The following GLIS3 variants were observed in gnomAD, a reference collection of about 807,000 sequenced individuals.
GLIS3 encodes zinc finger protein GLIS3.
GLIS3 carries 53 observed loss-of-function variants against 78.6 expected under a neutral mutation model. That is an observed-to-expected ratio of 0.67 (90% confidence interval 0.54 to 0.85). The LOEUF (loss-of-function observed/expected upper bound fraction) is 0.85. GLIS3 is among the 40% of genes least tolerant of loss of function. The probability of loss-of-function intolerance (pLI) is 0.00; values close to 1 mark genes in which losing one functional copy is unlikely to be tolerated. For missense variants in GLIS3, 1,703 were observed against 1,231.1 expected, an observed-to-expected ratio of 1.38 and a Z score of -5.74; for synonymous variants, 684 against 509.9, an observed-to-expected ratio of 1.34 and a Z score of -4.60.
At chr9:4,257,254 G>C (rs973968933) in intron 2 of GLIS3, among the ~76,000 whole-genome samples, 3 of 152,048 alleles carry the variant, frequency 2.0e-5, no homozygotes, top group African/African-American at 2.4e-5. Context: ...GAAAAATAGT[G>C]CATGATCTCA....
chr9:4,224,630 C>T (rs893436703), intron 2 of GLIS3, among the ~76,000 whole-genome samples: 7 of 152,100 alleles, frequency 4.6e-5, no homozygotes, highest in Admixed American at 2.0e-4. Flanking sequence ...ACAGGGCTTA[C>T]GAGACGCATT....
chr9:3,997,034 A>C (rs1820796211), intron 4 of GLIS3, among the ~76,000 whole-genome samples: 1 of 152,226 alleles, frequency 6.6e-6, no homozygotes, highest in Non-Finnish European at 1.5e-5. Flanking sequence ...AAATCTTCCT[A>C]CATGGCCTAG....
chr9:4,234,149 T>C (rs777112637), intron 2 of GLIS3, among the ~76,000 whole-genome samples: 1 of 152,194 alleles, frequency 6.6e-6, no homozygotes, highest in Non-Finnish European at 1.5e-5. Flanking sequence ...TTTGCTTCCA[T>C]ATCCTTCTTG....
At chr9:4,019,032 G>T (rs527599707) in intron 4 of GLIS3, among the ~76,000 whole-genome samples, 1 of 152,196 alleles carries the variant, frequency 6.6e-6, no homozygotes, top group African/African-American at 2.4e-5. Flanking sequence ...GGGCAAGAAG[G>T]TGACGTGAGT....
the GLIS3 span, among the ~76,000 whole-genome samples, chr9:4,450,895 G>C: frequency 6.6e-6 from 1 of 152,090 alleles, no homozygotes. Context: ...CTGCAAAAAC[G>C]TGCCAAATTG....
the GLIS3 span, among the ~76,000 whole-genome samples, chr9:4,463,560 G>A: frequency 6.6e-6 from 1 of 152,152 alleles, no homozygotes; most frequent in Admixed American, 6.5e-5. Flanking sequence ...TTTATACTAA[G>A]GTGTGGGTAG....
the GLIS3 span, among the ~76,000 whole-genome samples, chr9:4,393,358 A>G: frequency 6.6e-6 from 1 of 152,170 alleles, no homozygotes; most frequent in Non-Finnish European, 1.5e-5. Flanking sequence ...CGTATATTTT[A>G]CTTTTTTTAA....
the GLIS3 span, among the ~76,000 whole-genome samples, chr9:4,459,590 C>A: frequency 1.3e-5 from 2 of 152,144 alleles, no homozygotes; most frequent in East Asian, 3.9e-4. Context: ...ACAGTGAGAC[C>A]TCATCACTAG....
intron 4 of GLIS3, among the ~76,000 whole-genome samples, chr9:4,066,201 C>G (rs1827084066): frequency 6.6e-6 from 1 of 152,150 alleles, no homozygotes; most frequent in Non-Finnish European, 1.5e-5. Flanking sequence ...AAGGCTAACC[C>G]TATCTGTAAC....
chr9:4,028,292 C>G (rs1823519905), intron 4 of GLIS3, among the ~76,000 whole-genome samples: 2 of 152,152 alleles, frequency 1.3e-5, no homozygotes, highest in Admixed American at 1.3e-4. Context: ...CAAATGAGAT[C>G]ATGCATTTTG....
At chr9:4,056,531 C>T (rs548751134) in intron 4 of GLIS3, among the ~76,000 whole-genome samples, 3 of 152,182 alleles carry the variant, frequency 2.0e-5, no homozygotes, top group African/African-American at 7.2e-5. Context: ...CAAATGCCAG[C>T]TTTGCAGGAG....
rs1170201920 is a variant in GLIS3, at chr9:4,243,571, C to G, written c.388+42467G>C. Among the ~76,000 whole-genome samples the G allele has an allele frequency of 2.0e-5, 3 of 152,260 alleles. No homozygotes were observed. The East Asian group carries it at 5.8e-4, about 29-fold the overall frequency. ...AATATATGAAAAGATGGTTATTTTG[C>G]TGGTTATTTTGCTTTGGGATAATAT... On this transcript the variant is annotated intron_variant, in intron 2 of 10. Coordinates refer to ENST00000381971, the MANE Select transcript of GLIS3 (RefSeq NM_001042413.2).
Position 4,118,211 on chromosome 9 carries a change from G to T in GLIS3, c.1267C>A (p.Gln423Lys), listed in dbSNP as rs1400859389. Residue 423 changes from glutamine (Q) to lysine (K), a missense_variant, in exon 4 of 11, where the codon CAG (glutamine) becomes AAG (lysine). Transcript: ENST00000381971. The surrounding 1 kb of genome is among the most constrained non-coding windows in gnomAD (Gnocchi z 4.7). ...VQHGLPGPDS[Q>K]SAGLFKTERL... ...TCGGTCTTGAACAGGCCGGCCGACT[G>T]GCTGTCGGGGCCCGGCAGGCCATGC... is the stretch of plus-strand genomic sequence containing the variant. 1.9e-6 allele frequency: 3 copies of T among 1,584,422 alleles called. No homozygotes were observed. Among genetic ancestry groups the T allele is most frequent in the Non-Finnish European group, 2.6e-6 (3 of 1,165,230 alleles).
At chr9:4,376,569 C>T in the GLIS3 span, among the ~76,000 whole-genome samples, 5 of 134,564 alleles carry the variant, frequency 3.7e-5, 1 homozygote, top group African/African-American at 5.2e-5. Context: ...TAGCAAGTCA[C>T]GAAAATAGAA....
intron 4 of GLIS3, among the ~76,000 whole-genome samples, chr9:4,057,603 T>C (rs904389121): frequency 6.6e-6 from 1 of 152,028 alleles, no homozygotes; most frequent in African/African-American, 2.4e-5. Context: ...AAGTCACATT[T>C]TGTGTGAACC....
chr9:4,266,675 T>A (rs992463878), intron 2 of GLIS3, among the ~76,000 whole-genome samples: 1 of 151,894 alleles, frequency 6.6e-6, no homozygotes, highest in African/African-American at 2.4e-5. Flanking sequence ...ACAGAATGAA[T>A]GACAGCCACT....
chr9:4,400,141 T>C, the GLIS3 span, among the ~76,000 whole-genome samples: 1 of 152,156 alleles, frequency 6.6e-6, no homozygotes, highest in Admixed American at 6.5e-5. Context: ...GGTACATGTG[T>C]ATTTGAGAAA....
At position 4,286,527 on chromosome 9, in the gene GLIS3, T is replaced by C; in HGVS notation, c.-98-4A>G. 1 of 1,404,166 alleles carries C rather than the reference T, an allele frequency of 7.1e-7. No homozygotes were observed. Among genetic ancestry groups the C allele is most frequent in the Non-Finnish European group, 9.9e-7 (1 of 1,012,284 alleles). 87.0% of individuals were successfully genotyped at this position (1,404,166 alleles called of 1,614,324 possible). A position where few individuals can be genotyped will look rare whatever the true frequency, so the allele number is the denominator to read the frequency against. ...ATCCATGGTGTGGGTTATAAGCCTG[T>C]TTAAAAAAATAAACGCAGGCATTTT... On this transcript the variant is annotated splice_region_variant and splice_polypyrimidine_tract_variant and intron_variant, in intron 1 of 10. Coordinates refer to ENST00000381971, the MANE Select transcript of GLIS3 (RefSeq NM_001042413.2).
At chr9:4,109,869 T>A (rs138191543) in intron 4 of GLIS3, among the ~76,000 whole-genome samples, 61 of 152,330 alleles carry the variant, frequency 4.0e-4, no homozygotes, top group African/African-American at 1.4e-3. Flanking sequence ...TGGCCTCCTT[T>A]ACTTTCTCTG....
Sources: allele counts gnomAD v4.1 joint callset (sites outside exome capture counted in the v4.1 genomes callset), GRCh38; gene constraint gnomAD v4.1.1; non-coding constraint Gnocchi (gnomAD v3.1); transcripts MANE v1.5; gene names NCBI Gene and HGNC (gene_info 2026-07-23, HGNC 2026-07-21).